The following NEBL variants were observed in gnomAD, a reference collection of about 807,000 sequenced individuals.
NEBL encodes LIM and SH3 protein 2.
Under a neutral mutation model 140.2 loss-of-function variants are expected in NEBL, and 122 were observed. The ratio of observed to expected loss-of-function variants is 0.87; its 90% CI spans 0.75 to 1.01. The LOEUF (loss-of-function observed/expected upper bound fraction) is 1.01. Among genes scored for constraint, NEBL ranks in the 50% least tolerant of loss-of-function variants. The probability of loss-of-function intolerance (pLI) is 0.00; values close to 1 mark genes in which losing one functional copy is unlikely to be tolerated. For synonymous variants in NEBL, 436 were observed against 398.9 expected, an observed-to-expected ratio of 1.09 and a Z score of -1.11; for missense variants, 1,365 against 1,231.3, an observed-to-expected ratio of 1.11 and a Z score of -1.62.
intron 3 of NEBL, among the ~76,000 whole-genome samples, chr10:21,230,918 A>C (rs1842241033): frequency 6.6e-6 from 1 of 152,060 alleles, no homozygotes; most frequent in African/African-American, 2.4e-5. Context: ...AAGAGTCTTA[A>C]GAAACGAAAA....
intron 3 of NEBL, among the ~76,000 whole-genome samples, chr10:20,984,792 G>A (rs1284673040): frequency 6.6e-6 from 1 of 152,084 alleles, no homozygotes; most frequent in Non-Finnish European, 1.5e-5. Context: ...CACAGAAGGA[G>A]GTGAGCCACA....
In NEBL at chr10:21,172,730, T is replaced by C. The variant is rs75714135; in HGVS notation, c.70-253A>G. 5.1e-4 allele frequency among the ~76,000 whole-genome samples: 78 copies of C among 152,284 alleles called. No homozygotes were observed. The East Asian group carries it at 0.011, about 21-fold the overall frequency. On this transcript the variant is annotated intron_variant, in intron 1 of 6. Coordinates refer to the NEBL transcript ENST00000417816. ...CACCATGGACGAACTGTCAAGGTTC[T>C]GTCGAAACAGCACTTCTTTGAGCAG...
chr10:21,053,358 GCTTT>G (rs1235733023), intron 2 of NEBL, among the ~76,000 whole-genome samples: 3 of 152,074 alleles, frequency 2.0e-5, no homozygotes, highest in African/African-American at 7.2e-5. Flanking sequence ...CTTTCTAGAT[GCTTT>G]CTGTGAGTCC....
chr10:20,855,042 G>A (rs1842921836), intron 9 of NEBL, among the ~76,000 whole-genome samples: 1 of 151,882 alleles, frequency 6.6e-6, no homozygotes, highest in African/African-American at 2.4e-5. Flanking sequence ...TGGCCAACAT[G>A]GTCAAACTCT....
intron 4 of NEBL, among the ~76,000 whole-genome samples, chr10:20,929,210 C>T (rs539536542): frequency 6.6e-6 from 1 of 151,918 alleles, no homozygotes; most frequent in South Asian, 2.1e-4. Context: ...ACGGAATCAA[C>T]CTAAGTGTCC....
intron 3 of NEBL, among the ~76,000 whole-genome samples, chr10:21,007,769 C>T (rs1838191531): frequency 6.6e-6 from 1 of 152,194 alleles, no homozygotes; most frequent in African/African-American, 2.4e-5. Context: ...TGAATTACAT[C>T]TGTGCTTGTT....
chr10:20,789,305 C>A (rs1001654692), intron 26 of NEBL, among the ~76,000 whole-genome samples: 2 of 152,150 alleles, frequency 1.3e-5, no homozygotes, highest in African/African-American at 4.8e-5. Context: ...AAATTAAATT[C>A]TAATTCATTG....
chr10:20,961,475 A>T (rs1165907880), intron 4 of NEBL, among the ~76,000 whole-genome samples: 1 of 152,192 alleles, frequency 6.6e-6, no homozygotes, highest in Non-Finnish European at 1.5e-5. Flanking sequence ...CTATTAGGTA[A>T]CTAAGCACCG....
In NEBL at chr10:20,889,911, C is replaced by G; in HGVS notation, c.192G>C (p.Lys64Asn). The change falls in exon 3 of 28, where the codon AAG (lysine) becomes AAC (asparagine). Residue 64 changes from lysine (K) to asparagine (N), a missense_variant. Lys to Asn is a moderately conservative substitution (Grantham distance 94, BLOSUM62 0). Transcript: ENST00000377122. ...TAGGACTGTCAGTCACAAATGTACA[C>G]TTATCCTTGGACTTTTTAAACTCTT... ...YKEEFKKSKDKCTFVTDSPML... is the reference protein window; with the variant it reads ...YKEEFKKSKDNCTFVTDSPML... 1 of 1,611,480 alleles carries G rather than the reference C, an allele frequency of 6.2e-7. No individual in the cohort carries two copies. The highest frequency in any genetic ancestry group is 8.5e-7 in the Non-Finnish European group (1 of 1,178,154).
At chr10:21,047,635 T>C (rs1834580362) in intron 2 of NEBL, among the ~76,000 whole-genome samples, 1 of 151,886 alleles carries the variant, frequency 6.6e-6, no homozygotes, top group African/African-American at 2.4e-5. Flanking sequence ...GTACATAGCA[T>C]TGACCAAAAA....
intron 4 of NEBL, among the ~76,000 whole-genome samples, chr10:20,922,192 T>C (rs1159624634): frequency 6.6e-6 from 1 of 152,172 alleles, no homozygotes; most frequent in East Asian, 1.9e-4. Flanking sequence ...AACTCTGCTC[T>C]GCATCAGCCA....
chr10:20,888,268 A>T (rs1846710503), intron 3 of NEBL, 61 bp from the exon 4 acceptor site: 2 of 1,000,440 alleles, frequency 2.0e-6, no homozygotes, highest in Admixed American at 4.2e-5. Flanking sequence ...TTAAACTGTG[A>T]TTATAAGTAG....
At chr10:20,789,163 C>G (rs1279506667) in intron 26 of NEBL, among the ~76,000 whole-genome samples, 1 of 152,154 alleles carries the variant, frequency 6.6e-6, no homozygotes, top group Non-Finnish European at 1.5e-5. Context: ...AATGATTCAG[C>G]CTGCATACTC....
At chr10:21,201,490 C>G (rs1483353771) in intron 3 of NEBL, among the ~76,000 whole-genome samples, 1 of 151,928 alleles carries the variant, frequency 6.6e-6, no homozygotes, top group Admixed American at 6.6e-5. Flanking sequence ...TTTTGTGGGT[C>G]CTGAAGCTTA....
chr10:21,101,869 T>G (rs971838348), intron 2 of NEBL, among the ~76,000 whole-genome samples: 2 of 152,228 alleles, frequency 1.3e-5, no homozygotes, highest in African/African-American at 4.8e-5. Context: ...ACTTCTCATC[T>G]ATAATTCAGT....
At chr10:20,865,309 T>C (rs1844162863) in intron 7 of NEBL, among the ~76,000 whole-genome samples, 1 of 152,224 alleles carries the variant, frequency 6.6e-6, no homozygotes, top group Non-Finnish European at 1.5e-5. Flanking sequence ...TTTAAGTGTT[T>C]TACTCACAGT....
Position 20,819,438 on chromosome 10 carries a change from C to T in NEBL, c.2041G>A (p.Glu681Lys), listed in dbSNP as rs1060503679. Reference protein sequence around the residue: ...PEIERVRRNQEQLSAVKYKGE... With the variant: ...PEIERVRRNQKQLSAVKYKGE... The stretch of plus-strand genomic sequence containing the variant: ...AAACGACTTGCCGCACTCAGCTGCT[C>T]CTGGTTTCGCCTCACTCTCTCTATC... Residue 681 changes from glutamate (E) to lysine (K), a missense_variant, in exon 20 of 28, where the codon GAG becomes AAG. Physicochemically the swap from Glu to Lys is moderately conservative, Grantham distance 56. Coordinates refer to ENST00000377122, the MANE Select transcript of NEBL (RefSeq NM_006393.3). The T allele has an allele frequency of 1.4e-5, 22 of 1,613,948 alleles. No homozygotes were observed. The Admixed American group carries it at 3.7e-4, about 27-fold the overall frequency.
intron 4 of NEBL, among the ~76,000 whole-genome samples, chr10:20,916,185 T>C (rs1399845289): frequency 1.3e-5 from 2 of 152,166 alleles, no homozygotes; most frequent in African/African-American, 2.4e-5. Context: ...ATTTTAGAAC[T>C]ACAGGCAAGA....
At chr10:20,882,060 C>T (rs1235719263) in intron 4 of NEBL, among the ~76,000 whole-genome samples, 1 of 152,110 alleles carries the variant, frequency 6.6e-6, no homozygotes, top group East Asian at 1.9e-4. Flanking sequence ...TGGCTGTTGT[C>T]CCAGCTACAT....
Sources: allele counts gnomAD v4.1 joint callset (sites outside exome capture counted in the v4.1 genomes callset), GRCh38; gene constraint gnomAD v4.1.1; transcripts MANE v1.5; gene names NCBI Gene and HGNC (gene_info 2026-07-23, HGNC 2026-07-21).